The following ELSPBP1 variants were observed in gnomAD, a reference collection of about 807,000 sequenced individuals.
ELSPBP1 encodes the protein epididymal sperm-binding protein 1.
In ELSPBP1, 38 loss-of-function variants were observed where a neutral mutation model predicts 33.3. The observed-to-expected ratio is 1.14, with a 90% CI of 0.88 to 1.50. The LOEUF (loss-of-function observed/expected upper bound fraction) is 1.50. Among genes scored for constraint, ELSPBP1 ranks in the 40% most tolerant of loss-of-function variants. The pLI is 0.00. For missense variants in ELSPBP1, 267 were observed against 263.5 expected, an observed-to-expected ratio of 1.01 and a Z score of -0.09; for synonymous variants, 85 against 94.1, an observed-to-expected ratio of 0.90 and a Z score of 0.56.
chr19:48,017,707 A>G (rs767359027), intron 4 of ELSPBP1, among the ~76,000 whole-genome samples: 2 of 152,052 alleles, frequency 1.3e-5, no homozygotes, highest in African/African-American at 2.4e-5. Context: ...AGCCTAGGCA[A>G]CATAGGAAGA....
rs1169956852 is a variant in ELSPBP1, at chr19:48,011,492, ATGAC to A, written c.71-2675_71-2672del. On this transcript the variant is annotated intron_variant, in intron 2 of 6. Coordinates refer to ENST00000339841, the MANE Select transcript of ELSPBP1 (RefSeq NM_022142.5). This position sits in a 1 kb window ranked among gnomAD's most constrained non-coding sequence, Gnocchi z 4.5. Reference sequence around the variant, plus strand: ...AATAATGAGGTTGATGATAATGACAATGACTGATAATGATGATGACAATGATGAT... The same window carrying A: ...AATAATGAGGTTGATGATAATGACAATGATAATGATGATGACAATGATGAT... Among the ~76,000 whole-genome samples, 1 of 151,828 alleles carries A rather than the reference ATGAC, an allele frequency of 6.6e-6. No individual in the cohort carries two copies. The highest frequency in any genetic ancestry group is 1.5e-5 in the Non-Finnish European group (1 of 67,950).
Position 48,008,656 on chromosome 19 carries a change from A to G in ELSPBP1, c.-12A>G. On this transcript the variant is annotated 5_prime_UTR_variant, in exon 2 of 7. Transcript: ENST00000339841. ...TTTTGTCTTCTTTTCCACAGAGAAG[A>G]GGGCAGCCAAGATGACCCGATGGTC... 1 of 1,613,354 alleles carries G rather than the reference A, an allele frequency of 6.2e-7. No homozygotes were observed. Among genetic ancestry groups the G allele is most frequent in the Non-Finnish European group, 8.5e-7 (1 of 1,179,558 alleles).
At chr19:48,013,524 C>A (rs1967098401) in intron 2 of ELSPBP1, among the ~76,000 whole-genome samples, 2 of 152,086 alleles carry the variant, frequency 1.3e-5, no homozygotes, top group Non-Finnish European at 2.9e-5. Flanking sequence ...TGAGACCAGC[C>A]TGGCCAACAT....
At position 48,019,832 on chromosome 19, in the gene ELSPBP1, GAGAA is replaced by G. The variant is rs1283561364; in HGVS notation, c.470_473del (p.Glu157AlafsTer83). ...CAACAAGCTCTGGTGCCCAACCACA[GAGAA>G]CATGGATAAGGATGGAAAGTGGAGT... On this transcript the variant is annotated frameshift_variant, in exon 5 of 7. Transcript: ENST00000339841. LOFTEE classifies it high-confidence loss of function. The G allele has an allele frequency of 6.2e-7, 1 of 1,612,464 alleles. No homozygotes were observed. Among genetic ancestry groups the G allele is most frequent in the Admixed American group, 1.7e-5 (1 of 59,962 alleles).
intron 6 of ELSPBP1, among the ~76,000 whole-genome samples, chr19:48,023,484 AAGGG>A (rs1568409534): frequency 2.2e-5 from 1 of 45,716 alleles, no homozygotes; most frequent in Non-Finnish European, 6.1e-5. Context: ...GGGAGGAGGG[AAGGG>A]AGGGAGGGAA....
chr19:47,998,387 A>C (rs10405087), intron 1 of ELSPBP1, among the ~76,000 whole-genome samples: 101,153 of 151,418 alleles, frequency 0.67, 33,960 homozygotes, highest in African/African-American at 0.73. Flanking sequence ...CTCTAGCCTG[A>C]GTGACAGAGT....
At chr19:47,995,067 T>C (rs966140060) in intron 1 of ELSPBP1, among the ~76,000 whole-genome samples, 4 of 152,210 alleles carry the variant, frequency 2.6e-5, no homozygotes, top group Non-Finnish European at 5.9e-5. Flanking sequence ...TAATTATTAA[T>C]GAGATACTTT....
Position 48,008,499 on chromosome 19 carries a change from G to A in ELSPBP1, c.-17-152G>A, listed in dbSNP as rs2122306039. ...ATCCTTTGTCTTGGTCTCCCAAAAT[G>A]CTGGGATTACAGGTGTGAGCTACCA... On this transcript the variant is annotated intron_variant, in intron 1 of 6. Transcript: ENST00000339841. The A allele has an allele frequency of 5.1e-6, 3 of 588,216 alleles. No homozygotes were observed. The East Asian group carries it at 8.8e-5, about 17-fold the overall frequency. The allele number at this position is 588,216 out of a possible 1,614,324, so 36.4% of individuals were successfully genotyped here. A position where few individuals can be genotyped will look rare whatever the true frequency, so the allele number is the denominator to read the frequency against.
Position 47,994,733 on chromosome 19 carries a change from G to T in ELSPBP1, c.-96G>T, listed in dbSNP as rs1423860892. On this transcript the variant is annotated 5_prime_UTR_variant, in exon 1 of 7. Coordinates refer to ENST00000339841, the MANE Select transcript of ELSPBP1 (RefSeq NM_022142.5). The stretch of plus-strand genomic sequence containing the variant: ...GCCAAAGCCATTCAACCAATCCCCA[G>T]ATAATCCAGAGCTCTTGGGAGCAGA... The T allele has an allele frequency of 6.6e-6, 1 of 152,220 alleles. No homozygotes were observed. Among genetic ancestry groups the T allele is most frequent in the Non-Finnish European group, 1.5e-5 (1 of 68,078 alleles). 9.4% of individuals were successfully genotyped at this position (152,220 alleles called of 1,614,324 possible).
At chr19:48,015,861 G>A in intron 3 of ELSPBP1, 32 bp from the exon 4 acceptor site, 2 of 1,584,722 alleles carry the variant, frequency 1.3e-6, no homozygotes, top group African/African-American at 1.3e-5. Context: ...ACTAGAGGAA[G>A]TTAAGACACT....
In ELSPBP1 at chr19:48,011,611, CAA is replaced by C. The variant is rs74201237; in HGVS notation, c.71-2559_71-2558del. Among the ~76,000 whole-genome samples the C allele has an allele frequency of 0.17, 25,301 of 150,812 alleles. 2,159 individuals carry two copies. Among genetic ancestry groups the C allele is most frequent in the Middle Eastern group, 0.23 (65 of 282 alleles). ...ACAATAATGAGGTGGATTATGATGACAATGATGATGACAACGATGATGATGAT... is the reference window on the plus strand; with the variant it reads ...ACAATAATGAGGTGGATTATGATGACTGATGATGACAACGATGATGATGAT... On this transcript the variant is annotated intron_variant, in intron 2 of 6. Transcript: ENST00000339841. The surrounding 1 kb of genome is among the most constrained non-coding windows in gnomAD (Gnocchi z 4.5).
At chr19:47,999,971 C>T (rs983694103) in intron 1 of ELSPBP1, among the ~76,000 whole-genome samples, 2 of 151,596 alleles carry the variant, frequency 1.3e-5, no homozygotes, top group Non-Finnish European at 2.9e-5. Context: ...TACAGGTGTG[C>T]ACCATCTTGC....
intron 2 of ELSPBP1, among the ~76,000 whole-genome samples, chr19:48,010,760 G>C (rs1967067870): frequency 6.6e-6 from 1 of 152,150 alleles, no homozygotes; most frequent in Non-Finnish European, 1.5e-5. Context: ...ATGTTAATCA[G>C]GGAGTGAGAA....
rs372569527 is a variant in ELSPBP1, at chr19:48,019,799, G to A, written c.436G>A (p.Asp146Asn). Residue 146 changes from aspartate (D) to asparagine (N), a missense_variant, in exon 5 of 7, where the codon GAT becomes AAT. Coordinates refer to ENST00000339841, the MANE Select transcript of ELSPBP1 (RefSeq NM_022142.5). The part of the protein sequence containing the change: ...RNNVVSDCME[D>N]ESNKLWCPTT... ...TAATGTGGTCTCTGATTGCATGGAGGATGAAAGCAACAAGCTCTGGTGCCC... is the reference window on the plus strand; with the variant it reads ...TAATGTGGTCTCTGATTGCATGGAGAATGAAAGCAACAAGCTCTGGTGCCC... The A allele has an allele frequency of 2.2e-5, 36 of 1,604,746 alleles. No homozygotes were observed. Among genetic ancestry groups the A allele is most frequent in the Non-Finnish European group, 3.1e-5 (36 of 1,174,192 alleles).
At chr19:48,012,433 T>C (rs1425133785) in intron 2 of ELSPBP1, among the ~76,000 whole-genome samples, 2 of 152,136 alleles carry the variant, frequency 1.3e-5, no homozygotes, top group Non-Finnish European at 2.9e-5. Context: ...CAGCATTTTT[T>C]GATATATTTC....
At chr19:48,015,031 C>T (rs1044176424) in intron 3 of ELSPBP1, among the ~76,000 whole-genome samples, 7 of 151,910 alleles carry the variant, frequency 4.6e-5, no homozygotes, top group Non-Finnish European at 7.4e-5. Context: ...TACTAATAGC[C>T]TGCTATTGAC....
intron 5 of ELSPBP1, among the ~76,000 whole-genome samples, chr19:48,020,978 G>A (rs893819110): frequency 2.6e-5 from 4 of 152,164 alleles, no homozygotes; most frequent in African/African-American, 9.7e-5. Context: ...TTTCTCAGCT[G>A]GTCATGGGAG....
chr19:48,005,780 G>A (rs964743765), intron 1 of ELSPBP1, among the ~76,000 whole-genome samples: 4 of 152,212 alleles, frequency 2.6e-5, no homozygotes, highest in Non-Finnish European at 5.9e-5. Context: ...GATTGTTGGA[G>A]TTCACTTGCA....
At chr19:47,995,861 C>T (rs1169871829) in intron 1 of ELSPBP1, among the ~76,000 whole-genome samples, 1 of 152,156 alleles carries the variant, frequency 6.6e-6, no homozygotes, top group Non-Finnish European at 1.5e-5. Context: ...AGGATTTGAA[C>T]CCTGGTTGGT....
Sources: allele counts gnomAD v4.1 joint callset (sites outside exome capture counted in the v4.1 genomes callset), GRCh38; gene constraint gnomAD v4.1.1; non-coding constraint Gnocchi (gnomAD v3.1); transcripts MANE v1.5; gene names NCBI Gene and HGNC (gene_info 2026-07-23, HGNC 2026-07-21).